Variants in CACNA2D3 observed in about 807,000 individuals in gnomAD.
The protein encoded by CACNA2D3 is voltage-dependent calcium channel subunit alpha-2/delta-3.
In CACNA2D3, 60 loss-of-function variants were observed where a neutral mutation model predicts 160.6. The observed-to-expected ratio is 0.37, with a 90% confidence interval of 0.30 to 0.46. The LOEUF is 0.46. Among genes scored for constraint, CACNA2D3 ranks in the 20% least tolerant of loss-of-function variants. The pLI is 1.00. For missense variants in CACNA2D3, 1,205 were observed against 1,365.0 expected, an observed-to-expected ratio of 0.88 and a Z score of 1.85; for synonymous variants, 558 against 492.9, an observed-to-expected ratio of 1.13 and a Z score of -1.75.
intron 35 of CACNA2D3, among the ~76,000 whole-genome samples, chr3:55,046,551 A>G (rs1704086405): frequency 2.3e-5 from 1 of 42,554 alleles, no homozygotes; most frequent in South Asian, 9.3e-4. Context: ...TAATGCCGCA[A>G]TAAACATACG....
chr3:54,687,942 G>GT lies in CACNA2D3; in HGVS notation c.1167+45709dup, dbSNP rs571345821. 3.6e-3 allele frequency among the ~76,000 whole-genome samples: 553 copies of GT among 152,062 alleles called. 2 individuals carry two copies. The highest frequency in any genetic ancestry group is 0.02 in the Middle Eastern group (6 of 294). On this transcript the variant is annotated intron_variant, in intron 11 of 37. Transcript: ENST00000474759. ...GTCTCAAAGACACCTTAGCCAACAGGTTTTTTTTGTTTTGTTTTGTTTTTA... is the reference window on the plus strand; with the variant it reads ...GTCTCAAAGACACCTTAGCCAACAGGTTTTTTTTTGTTTTGTTTTGTTTTTA...
intron 3 of CACNA2D3, among the ~76,000 whole-genome samples, chr3:54,369,842 A>G (rs1358672323): frequency 1.3e-5 from 2 of 152,214 alleles, no homozygotes; most frequent in Non-Finnish European, 2.9e-5. Flanking sequence ...GGCAAATTGC[A>G]TTAGGCATAG....
chr3:54,346,273 C>T (rs1382906841), intron 3 of CACNA2D3, among the ~76,000 whole-genome samples: 1 of 152,176 alleles, frequency 6.6e-6, no homozygotes, highest in Non-Finnish European at 1.5e-5. Context: ...CTGCTCTCAT[C>T]CAGTGTCTGG....
At chr3:54,844,795 G>A (rs1698898682) in intron 16 of CACNA2D3, among the ~76,000 whole-genome samples, 1 of 152,166 alleles carries the variant, frequency 6.6e-6, no homozygotes. Context: ...CTTCTCACAA[G>A]CAAAAGAAGA....
At chr3:54,672,945 G>A (rs1444823354) in intron 11 of CACNA2D3, among the ~76,000 whole-genome samples, 1 of 152,204 alleles carries the variant, frequency 6.6e-6, no homozygotes, top group Non-Finnish European at 1.5e-5. Flanking sequence ...TAGAAACCCA[G>A]AGTCCAAACA....
chr3:54,164,357 C>T (rs375689691), intron 2 of CACNA2D3, among the ~76,000 whole-genome samples: 20 of 152,338 alleles, frequency 1.3e-4, no homozygotes, highest in Admixed American at 3.3e-4. Flanking sequence ...TCTGCTGCCG[C>T]AGGATGGGAC....
At chr3:54,291,662 T>C (rs974493863) in intron 2 of CACNA2D3, among the ~76,000 whole-genome samples, 1 of 152,186 alleles carries the variant, frequency 6.6e-6, no homozygotes, top group Non-Finnish European at 1.5e-5. Context: ...ATTCATAATA[T>C]ATGCTATCTT....
chr3:54,843,920 T>TGGGTGAGTCTGA (rs1301088990), intron 16 of CACNA2D3, among the ~76,000 whole-genome samples: 2 of 152,164 alleles, frequency 1.3e-5, no homozygotes, highest in African/African-American at 4.8e-5. Flanking sequence ...CCACTGTGAC[T>TGGGTGAGTCTGA]GGGTGAGTCT....
chr3:54,768,935 G>A (rs1167078595), intron 13 of CACNA2D3, among the ~76,000 whole-genome samples: 6 of 152,088 alleles, frequency 3.9e-5, no homozygotes, highest in Non-Finnish European at 8.8e-5. Flanking sequence ...ATGGTGTTGA[G>A]CAACCTGTCA....
intron 2 of CACNA2D3, among the ~76,000 whole-genome samples, chr3:54,285,515 C>CA (rs1191382811): frequency 6.6e-6 from 1 of 152,204 alleles, no homozygotes; most frequent in Admixed American, 6.5e-5. Context: ...AGGGCACAGA[C>CA]AAACAAAAAG....
intron 35 of CACNA2D3, among the ~76,000 whole-genome samples, chr3:55,036,478 AT>A (rs1429745207): frequency 1.3e-5 from 2 of 150,828 alleles, no homozygotes; most frequent in South Asian, 4.2e-4. Flanking sequence ...TTTATTTTTT[AT>A]TTTTTTGAGA....
At chr3:54,348,783 C>T (rs1467518427) in intron 3 of CACNA2D3, among the ~76,000 whole-genome samples, 2 of 152,192 alleles carry the variant, frequency 1.3e-5, no homozygotes, top group African/African-American at 4.8e-5. Flanking sequence ...GGCTGGAGGG[C>T]TGTGGCACGA....
intron 34 of CACNA2D3, among the ~76,000 whole-genome samples, chr3:55,016,623 A>T (rs1023735042): frequency 2.0e-5 from 3 of 152,234 alleles, no homozygotes; most frequent in African/African-American, 7.2e-5. Context: ...AGAGCTGTGC[A>T]TGCTTTTGTT....
intron 4 of CACNA2D3, among the ~76,000 whole-genome samples, chr3:54,489,772 G>A (rs983637293): frequency 8.5e-5 from 13 of 152,208 alleles, no homozygotes; most frequent in Non-Finnish European, 8.8e-5. Flanking sequence ...ATTAATACTT[G>A]TATTTGAATT....
At chr3:54,525,073 G>T (rs1701704639) in intron 5 of CACNA2D3, among the ~76,000 whole-genome samples, 1 of 151,984 alleles carries the variant, frequency 6.6e-6, no homozygotes, top group South Asian at 2.1e-4. Context: ...GAAAGATGTA[G>T]TACGTCATAT....
intron 2 of CACNA2D3, among the ~76,000 whole-genome samples, chr3:54,126,665 T>G (rs1442483216): frequency 1.3e-5 from 2 of 152,132 alleles, no homozygotes; most frequent in Non-Finnish European, 2.9e-5. Context: ...AATGGAAGAT[T>G]GTGGGACTTG....
chr3:54,887,718 G>A (rs1699958471), intron 23 of CACNA2D3, among the ~76,000 whole-genome samples: 1 of 152,200 alleles, frequency 6.6e-6, no homozygotes. Flanking sequence ...AAACTGAAGT[G>A]TGAGACACCC....
chr3:54,730,055 AATTTT>A (rs1701358034), intron 11 of CACNA2D3, among the ~76,000 whole-genome samples: 1 of 151,772 alleles, frequency 6.6e-6, no homozygotes, highest in South Asian at 2.1e-4. Context: ...ATTTTCATTT[AATTTT>A]ATTATTCTTT....
intron 12 of CACNA2D3, among the ~76,000 whole-genome samples, chr3:54,761,140 GT>G (rs558247510): frequency 6.6e-4 from 100 of 152,166 alleles, no homozygotes; most frequent in African/African-American, 2.0e-3. Flanking sequence ...CCTTGGCACT[GT>G]TTTTGGAAAA....
Sources: gnomAD v4.1 joint callset for allele counts (sites outside exome capture counted in the v4.1 genomes callset) on GRCh38, gnomAD v4.1.1 for gene constraint, MANE v1.5 for transcripts, NCBI Gene and HGNC (gene_info 2026-07-23, HGNC 2026-07-21) for gene names.